Variants in EPHB1 observed in about 807,000 individuals in gnomAD.
The protein encoded by EPHB1 is ephrin type-B receptor 1.
In EPHB1, 30 loss-of-function variants were observed where a neutral mutation model predicts 94.4. The observed-to-expected ratio is 0.32, with a 90% confidence interval of 0.24 to 0.43. EPHB1 has a LOEUF of 0.43. EPHB1 is among the 20% of genes least tolerant of loss of function. EPHB1 has a pLI of 1.00. For synonymous variants in EPHB1, 522 were observed against 489.1 expected (o/e 1.07, Z -0.89); for missense variants, 1,055 against 1,308.3 (o/e 0.81, Z 2.99).
chr3:135,119,184 C>A (rs916755262), intron 4 of EPHB1, among the ~76,000 whole-genome samples: 5 of 152,018 alleles, frequency 3.3e-5, no homozygotes, highest in African/African-American at 4.8e-5. Flanking sequence ...TGTTTATAAC[C>A]CTTGCCTTTT....
chr3:135,043,902 T>G (rs1038491956), intron 3 of EPHB1, among the ~76,000 whole-genome samples: 1 of 152,188 alleles, frequency 6.6e-6, no homozygotes, highest in African/African-American at 2.4e-5. Context: ...TGTTGGCCTC[T>G]CAGTGATCTT....
At chr3:135,183,286 T>TCCTTCCTA (rs1175747424) in intron 10 of EPHB1, among the ~76,000 whole-genome samples, 2 of 141,170 alleles carry the variant, frequency 1.4e-5, no homozygotes, top group African/African-American at 5.2e-5. Flanking sequence ...CTTCCTTCCT[T>TCCTTCCTA]CCTTCCTGGA....
intron 12 of EPHB1, among the ~76,000 whole-genome samples, chr3:135,216,283 C>G (rs1943146309): frequency 6.6e-6 from 1 of 152,182 alleles, no homozygotes; most frequent in Non-Finnish European, 1.5e-5. Flanking sequence ...ACATCTGCCC[C>G]CATAACAACC....
At chr3:135,125,661 A>C (rs964439724) in intron 4 of EPHB1, among the ~76,000 whole-genome samples, 1 of 150,770 alleles carries the variant, frequency 6.6e-6, no homozygotes, top group African/African-American at 2.5e-5. Context: ...AGAAACAACC[A>C]CTGCACATGA....
In EPHB1 at chr3:135,051,298, G is replaced by A. The variant is rs367782560; in HGVS notation, c.806-55150G>A. ...ATAAGAAATCCAACAAGCTAGATTGGCAGGGTCATTTCATTCTAGCCCACC... is the reference window on the plus strand; with the variant it reads ...ATAAGAAATCCAACAAGCTAGATTGACAGGGTCATTTCATTCTAGCCCACC... On this transcript the variant is annotated intron_variant, in intron 3 of 15. Coordinates refer to ENST00000398015, the MANE Select transcript of EPHB1 (RefSeq NM_004441.5). Among the ~76,000 whole-genome samples the A allele has an allele frequency of 4.5e-3, 684 of 152,288 alleles. 2 individuals are homozygous for A. Among genetic ancestry groups the A allele is most frequent in the African/African-American group, 0.016 (650 of 41,550 alleles).
intron 13 of EPHB1, among the ~76,000 whole-genome samples, chr3:135,244,205 T>A (rs1158343207): frequency 6.6e-6 from 1 of 152,148 alleles, no homozygotes; most frequent in Non-Finnish European, 1.5e-5. Flanking sequence ...TACAGGTGAA[T>A]AAAGGCAACC....
chr3:135,111,097 G>A (rs1939424925), intron 4 of EPHB1, among the ~76,000 whole-genome samples: 2 of 152,168 alleles, frequency 1.3e-5, no homozygotes, highest in Non-Finnish European at 2.9e-5. Context: ...AGAGCATTGT[G>A]GGTCTGTAAG....
intron 3 of EPHB1, among the ~76,000 whole-genome samples, chr3:135,074,902 G>C (rs1937854850): frequency 6.6e-6 from 1 of 152,192 alleles, no homozygotes; most frequent in Non-Finnish European, 1.5e-5. Context: ...TGAGGAGTGA[G>C]ACCCACAGGC....
intron 1 of EPHB1, among the ~76,000 whole-genome samples, chr3:134,886,064 C>T (rs1444331642): frequency 6.6e-6 from 1 of 152,154 alleles, no homozygotes; most frequent in Non-Finnish European, 1.5e-5. Context: ...GGTGGTGACT[C>T]AGCAGCAGTT....
At chr3:134,994,980 A>C (rs1320922169) in intron 3 of EPHB1, among the ~76,000 whole-genome samples, 1 of 124,844 alleles carries the variant, frequency 8.0e-6, no homozygotes, top group Non-Finnish European at 1.7e-5. Context: ...CCAGTTTTAC[A>C]TACACTTGTG....
chr3:135,031,990 G>A (rs1936488463), intron 3 of EPHB1, among the ~76,000 whole-genome samples: 2 of 151,698 alleles, frequency 1.3e-5, no homozygotes, highest in Admixed American at 1.3e-4. Flanking sequence ...TTTGTTTTTG[G>A]GTTTGGTTTG....
intron 11 of EPHB1, 36 bp from the exon 12 acceptor site, chr3:135,201,438 C>G (rs201940974): frequency 6.2e-7 from 1 of 1,606,012 alleles, no homozygotes; most frequent in East Asian, 2.2e-5. Context: ...CATTGAAGCC[C>G]GTCTTGATCC....
At chr3:135,059,604 G>A (rs1277386348) in intron 3 of EPHB1, among the ~76,000 whole-genome samples, 6 of 152,190 alleles carry the variant, frequency 3.9e-5, no homozygotes, top group African/African-American at 9.7e-5. Context: ...GTTGGAGTTC[G>A]TTGACTGTGA....
intron 3 of EPHB1, among the ~76,000 whole-genome samples, chr3:134,961,546 A>G (rs1378727244): frequency 2.6e-5 from 4 of 151,996 alleles, no homozygotes; most frequent in Non-Finnish European, 5.9e-5. Flanking sequence ...GTTTCCCTCC[A>G]CTCTGGTTGT....
intron 4 of EPHB1, among the ~76,000 whole-genome samples, chr3:135,127,867 C>G (rs1463072786): frequency 6.6e-6 from 1 of 152,148 alleles, no homozygotes; most frequent in Non-Finnish European, 1.5e-5. Context: ...GCAGGCTAAG[C>G]CAACCTCTCA....
chr3:135,004,149 G>A (rs1487548894), intron 3 of EPHB1, among the ~76,000 whole-genome samples: 2 of 151,786 alleles, frequency 1.3e-5, no homozygotes, highest in African/African-American at 4.9e-5. Flanking sequence ...TTTAGGGCAG[G>A]CCTGGTGGTG....
intron 1 of EPHB1, among the ~76,000 whole-genome samples, chr3:134,839,107 C>T (rs1200079311): frequency 2.4e-4 from 36 of 152,304 alleles, no homozygotes; most frequent in Non-Finnish European, 7.4e-5. Flanking sequence ...CAATATACGA[C>T]ACAAAATATT....
At chr3:135,033,629 G>T (rs931356435) in intron 3 of EPHB1, among the ~76,000 whole-genome samples, 1 of 152,200 alleles carries the variant, frequency 6.6e-6, no homozygotes, top group East Asian at 1.9e-4. Context: ...ATTCTTCTTC[G>T]TAATGGATTT....
chr3:135,004,513 T>C (rs1009163877), intron 3 of EPHB1, among the ~76,000 whole-genome samples: 2 of 152,194 alleles, frequency 1.3e-5, no homozygotes, highest in Admixed American at 1.3e-4. Context: ...CCTGCCTTGC[T>C]AGATTTGGGA....
Sources: gnomAD v4.1 joint callset for allele counts (sites outside exome capture counted in the v4.1 genomes callset) on GRCh38, gnomAD v4.1.1 for gene constraint, MANE v1.5 for transcripts, NCBI Gene and HGNC (gene_info 2026-07-23, HGNC 2026-07-21) for gene names.